The following SOCS5 variants were observed in gnomAD, a reference collection of about 807,000 sequenced individuals.
The protein encoded by SOCS5 is suppressor of cytokine signaling 5.
A neutral mutation model predicts 42.8 loss-of-function variants in SOCS5; 32 were observed. The observed-to-expected ratio is 0.75, with a 90% CI of 0.56 to 1.01. The LOEUF is 1.01. Among genes scored for constraint, SOCS5 ranks in the 50% least tolerant of loss-of-function variants. SOCS5 has a pLI of 0.00. For missense variants in SOCS5, 627 were observed against 653.0 expected, an observed-to-expected ratio of 0.96 and a Z score of 0.43; for synonymous variants, 283 against 229.6, an observed-to-expected ratio of 1.23 and a Z score of -2.10.
At chr2:46,741,585 C>A (rs1340250438) in intron 1 of SOCS5, among the ~76,000 whole-genome samples, 1 of 152,072 alleles carries the variant, frequency 6.6e-6, no homozygotes, top group Non-Finnish European at 1.5e-5. Context: ...GAAATAACCA[C>A]AGTGATATTT....
At chr2:46,734,546 G>C (rs551154225) in intron 1 of SOCS5, among the ~76,000 whole-genome samples, 1 of 152,106 alleles carries the variant, frequency 6.6e-6, no homozygotes, top group Non-Finnish European at 1.5e-5. Context: ...AGCCATTACC[G>C]AAGTATACAT....
intron 1 of SOCS5, among the ~76,000 whole-genome samples, chr2:46,720,339 A>C (rs570093327): frequency 1.3e-5 from 2 of 152,308 alleles, no homozygotes; most frequent in East Asian, 3.9e-4. Context: ...GTGTCATAGG[A>C]TACTAACATT....
At chr2:46,739,641 C>T (rs912717875) in intron 1 of SOCS5, among the ~76,000 whole-genome samples, 10 of 152,114 alleles carry the variant, frequency 6.6e-5, no homozygotes, top group Admixed American at 6.5e-5. Flanking sequence ...TCCATCTGTC[C>T]CCACCCCATC....
rs1673850755 is a variant in SOCS5 at position 46,760,811 on chromosome 2, G to A, written c.*670G>A. Reference sequence around the variant, plus strand: ...TAGTAGAATTTTATTGAAAGGCCTAGGTATTAATTTTTTAAATGAGTGCTT... The same window carrying A: ...TAGTAGAATTTTATTGAAAGGCCTAAGTATTAATTTTTTAAATGAGTGCTT... On this transcript the variant is annotated 3_prime_UTR_variant, in exon 2 of 2. Transcript: ENST00000394861. The A allele has an allele frequency of 6.0e-6, 1 of 167,034 alleles. No homozygotes were observed. Among genetic ancestry groups the A allele is most frequent in the South Asian group, 2.1e-4 (1 of 4,832 alleles). The allele number at this position is 167,034 out of a possible 1,614,324, so 10.3% of individuals were successfully genotyped here.
At chr2:46,753,653 C>T (rs1673673404) in intron 1 of SOCS5, among the ~76,000 whole-genome samples, 1 of 152,116 alleles carries the variant, frequency 6.6e-6, no homozygotes, top group Non-Finnish European at 1.5e-5. Context: ...ATAATGGTTA[C>T]TCCATAGGCA....
intron 1 of SOCS5, among the ~76,000 whole-genome samples, chr2:46,706,440 AT>A (rs1192715770): frequency 6.6e-6 from 1 of 152,166 alleles, no homozygotes; most frequent in Non-Finnish European, 1.5e-5. Context: ...TTTGGTTGTC[AT>A]TTTACCACAA....
At chr2:46,738,206 T>A (rs904508288) in intron 1 of SOCS5, among the ~76,000 whole-genome samples, 4 of 152,126 alleles carry the variant, frequency 2.6e-5, no homozygotes, top group African/African-American at 9.7e-5. Context: ...ATGCTCAAAC[T>A]GTTGAATGTT....
At chr2:46,710,732 G>A (rs965978409) in intron 1 of SOCS5, among the ~76,000 whole-genome samples, 2 of 152,164 alleles carry the variant, frequency 1.3e-5, no homozygotes, top group Admixed American at 6.5e-5. Flanking sequence ...GGATATACCA[G>A]GTTCAAGATG....
intron 1 of SOCS5, among the ~76,000 whole-genome samples, chr2:46,737,712 G>GA (rs1673283758): frequency 6.6e-6 from 1 of 152,154 alleles, no homozygotes; most frequent in South Asian, 2.1e-4. Flanking sequence ...CTTTCCCATT[G>GA]AAGCTGATTG....
At chr2:46,743,120 T>C (rs1267358120) in intron 1 of SOCS5, among the ~76,000 whole-genome samples, 1 of 152,208 alleles carries the variant, frequency 6.6e-6, no homozygotes, top group Non-Finnish European at 1.5e-5. Context: ...TTATGAGTTT[T>C]TCATCTACTT....
intron 1 of SOCS5, among the ~76,000 whole-genome samples, chr2:46,713,550 C>T (rs559304669): frequency 2.0e-5 from 3 of 151,594 alleles, no homozygotes; most frequent in African/African-American, 7.2e-5. Context: ...TTCCTTTTTT[C>T]CCCTTGATTA....
At position 46,758,945 on chromosome 2, in the gene SOCS5, G is replaced by C. The variant is rs751925296; in HGVS notation, c.415G>C (p.Asp139His). 2.5e-6 allele frequency: 4 copies of C among 1,614,000 alleles called. No homozygotes were observed. The highest frequency in any genetic ancestry group is 3.3e-5 in the Admixed American group (2 of 60,020). ...STKTQSSLDADKKFGRTRSGL... is the reference protein window; with the variant it reads ...STKTQSSLDAHKKFGRTRSGL... ...AAAGACCCAGAGTTCATTGGATGCTGATAAAAAGTTTGGTAGAACTCGAAG... is the reference window on the plus strand; with the variant it reads ...AAAGACCCAGAGTTCATTGGATGCTCATAAAAAGTTTGGTAGAACTCGAAG... Residue 139 changes from aspartate to histidine, a missense_variant, in exon 2 of 2, where the codon GAT (aspartate) becomes CAT (histidine). This residue lies in a region of SOCS5 where 278 missense variants were observed against 246.3 expected (regional missense o/e 1.13). Transcript: ENST00000394861.
rs573702763 is a variant in SOCS5 at position 46,757,053 on chromosome 2, A to G, written c.-12-1466A>G. On this transcript the variant is annotated intron_variant, in intron 1 of 1. Coordinates refer to ENST00000394861, the MANE Select transcript of SOCS5 (RefSeq NM_144949.3). ...TGTGCTTTTAATAAAGAATTAAATC[A>G]TCTGAAAGTACATTTTATAATATCA... 1.1e-4 allele frequency among the ~76,000 whole-genome samples: 17 copies of G among 152,358 alleles called. No homozygotes were observed. The East Asian group carries it at 3.3e-3, about 29-fold the overall frequency.
At chr2:46,734,209 A>G (rs1026186666) in intron 1 of SOCS5, among the ~76,000 whole-genome samples, 3 of 152,146 alleles carry the variant, frequency 2.0e-5, no homozygotes, top group African/African-American at 7.2e-5. Context: ...TAATTAGAAA[A>G]CTAAAATTTA....
intron 1 of SOCS5, among the ~76,000 whole-genome samples, chr2:46,723,641 C>T (rs1218750323): frequency 1.3e-5 from 2 of 152,012 alleles, no homozygotes; most frequent in Non-Finnish European, 2.9e-5. Flanking sequence ...GTGTATCTGT[C>T]CTTTCCCTAT....
chr2:46,750,652 G>T (rs1222851872), intron 1 of SOCS5, among the ~76,000 whole-genome samples: 1 of 152,100 alleles, frequency 6.6e-6, no homozygotes, highest in Non-Finnish European at 1.5e-5. Context: ...AATAATACCA[G>T]AACATTTCTG....
intron 1 of SOCS5, among the ~76,000 whole-genome samples, chr2:46,726,393 G>T (rs546266104): frequency 6.6e-6 from 1 of 152,262 alleles, no homozygotes; most frequent in East Asian, 1.9e-4. Flanking sequence ...CACTGTGCCT[G>T]GCCCTCTTTG....
At position 46,709,479 on chromosome 2, in the gene SOCS5, G is replaced by A. The variant is rs1672566694; in HGVS notation, c.-13+10030G>A. On this transcript the variant is annotated intron_variant, in intron 1 of 1. Coordinates refer to ENST00000394861, the MANE Select transcript of SOCS5 (RefSeq NM_144949.3). ...GTGGTGTTTAGCACTTAGTGGAAAA[G>A]ATGAGTTTTGGGTTTGGTTTTAGAG... Among the ~76,000 whole-genome samples the A allele has an allele frequency of 2.6e-5, 4 of 152,198 alleles. No homozygotes were observed. In the South Asian group the frequency reaches 8.3e-4, roughly 31 times the overall value.
At chr2:46,705,123 C>G (rs1264393580) in intron 1 of SOCS5, among the ~76,000 whole-genome samples, 7 of 152,294 alleles carry the variant, frequency 4.6e-5, no homozygotes, top group African/African-American at 1.7e-4. Flanking sequence ...TAATAACCAG[C>G]AAAAGTGTTT....
Sources: allele counts gnomAD v4.1 joint callset (sites outside exome capture counted in the v4.1 genomes callset), GRCh38; gene constraint gnomAD v4.1.1; regional missense constraint gnomAD v4.1.1; transcripts MANE v1.5; gene names NCBI Gene and HGNC (gene_info 2026-07-23, HGNC 2026-07-21).